The following GLIS3 variants were observed in gnomAD, a reference collection of about 807,000 sequenced individuals.
The protein encoded by GLIS3 is zinc finger protein GLIS3.
Under a neutral mutation model 78.6 loss-of-function variants are expected in GLIS3, and 53 were observed. The observed-to-expected ratio is 0.67, with a 90% CI of 0.54 to 0.85. GLIS3 has a LOEUF of 0.85. GLIS3 is among the 40% of genes least tolerant of loss of function. The pLI is 0.00. For synonymous variants in GLIS3, 684 were observed against 509.9 expected (o/e 1.34, Z -4.60); for missense variants, 1,703 against 1,231.1 (o/e 1.38, Z -5.74).
At chr9:4,285,997 A>G in intron 2 of GLIS3, 41 bp downstream of exon 2, 1 of 1,613,218 alleles carries the variant, frequency 6.2e-7, no homozygotes, top group African/African-American at 1.3e-5. Context: ...GGAGAAAAAA[A>G]TCGTTTCCAT....
At chr9:4,257,458 G>A (rs1221192100) in intron 2 of GLIS3, among the ~76,000 whole-genome samples, 1 of 152,118 alleles carries the variant, frequency 6.6e-6, no homozygotes, top group Non-Finnish European at 1.5e-5. Context: ...AATTTGGCAA[G>A]GGAATAGATT....
At chr9:4,067,738 A>G (rs1391529300) in intron 4 of GLIS3, among the ~76,000 whole-genome samples, 1 of 152,174 alleles carries the variant, frequency 6.6e-6, no homozygotes, top group African/African-American at 2.4e-5. Flanking sequence ...ATTGCAGATT[A>G]GATTATAGGA....
chr9:4,158,187 T>A (rs1482145865), intron 2 of GLIS3, among the ~76,000 whole-genome samples: 2 of 152,248 alleles, frequency 1.3e-5, no homozygotes, highest in Non-Finnish European at 2.9e-5. Context: ...CGAGAATTCC[T>A]TCTTATGTTT....
intron 2 of GLIS3, among the ~76,000 whole-genome samples, chr9:4,275,265 A>T (rs538194986): frequency 6.6e-6 from 1 of 152,276 alleles, no homozygotes; most frequent in South Asian, 2.1e-4. Flanking sequence ...AAAATTTTCG[A>T]AAAAAGGAGT....
chr9:4,126,182 T>C (rs559966230), intron 2 of GLIS3, among the ~76,000 whole-genome samples: 10 of 152,162 alleles, frequency 6.6e-5, no homozygotes, highest in Non-Finnish European at 1.2e-4. Context: ...ACTCCTTCTA[T>C]GTAGAAGTGT....
chr9:3,861,573 G>A (rs997145092), intron 8 of GLIS3, among the ~76,000 whole-genome samples: 1 of 151,882 alleles, frequency 6.6e-6, no homozygotes, highest in African/African-American at 2.4e-5. Flanking sequence ...AAGAAAATGT[G>A]GTACATATAC....
At chr9:4,424,191 G>A in the GLIS3 span, among the ~76,000 whole-genome samples, 1 of 152,154 alleles carries the variant, frequency 6.6e-6, no homozygotes, top group Non-Finnish European at 1.5e-5. Context: ...GAGGTAGCAG[G>A]AAGAACTTTG....
chr9:4,404,131 G>C, the GLIS3 span, among the ~76,000 whole-genome samples: 2 of 152,068 alleles, frequency 1.3e-5, no homozygotes, highest in African/African-American at 4.8e-5. Flanking sequence ...GACAAATAAG[G>C]TTATTAAATA....
intron 4 of GLIS3, among the ~76,000 whole-genome samples, chr9:4,034,191 C>T (rs529080297): frequency 1.7e-4 from 26 of 152,006 alleles, no homozygotes; most frequent in Non-Finnish European, 3.4e-4. Context: ...ACTTGTGCTC[C>T]AACCTGGGCA....
At chr9:3,967,452 A>G (rs1183799974) in intron 4 of GLIS3, among the ~76,000 whole-genome samples, 2 of 152,094 alleles carry the variant, frequency 1.3e-5, no homozygotes, top group African/African-American at 4.8e-5. Flanking sequence ...GTAGTGAGCC[A>G]AGATCGGGCC....
chr9:4,465,270 G>C, the GLIS3 span, among the ~76,000 whole-genome samples: 1 of 152,174 alleles, frequency 6.6e-6, no homozygotes, highest in Non-Finnish European at 1.5e-5. Context: ...ATAATAGGCC[G>C]GGCACGGTGG....
At chr9:4,232,767 T>C (rs1414643142) in intron 2 of GLIS3, among the ~76,000 whole-genome samples, 1 of 152,200 alleles carries the variant, frequency 6.6e-6, no homozygotes, top group Non-Finnish European at 1.5e-5. Flanking sequence ...ACTATCTGTG[T>C]CATTCCTATT....
At chr9:4,239,901 T>G (rs1027484517) in intron 2 of GLIS3, among the ~76,000 whole-genome samples, 1 of 152,346 alleles carries the variant, frequency 6.6e-6, no homozygotes, top group East Asian at 1.9e-4. Flanking sequence ...TCATTAGACC[T>G]TTACAGGAAT....
At chr9:4,324,640 A>G (rs1333094110) in intron 2 of GLIS3, among the ~76,000 whole-genome samples, 1 of 152,232 alleles carries the variant, frequency 6.6e-6, no homozygotes. Flanking sequence ...AAAGAGACTG[A>G]GGTCAATCTG....
chr9:4,399,423 G>C, the GLIS3 span, among the ~76,000 whole-genome samples: 85 of 152,294 alleles, frequency 5.6e-4, 1 homozygote, highest in African/African-American at 1.9e-3. Context: ...AAAGTAGATA[G>C]TTTCATCCCC....
At chr9:3,829,541 C>T (rs778256054) in intron 9 of GLIS3, 49 bp from the exon 10 acceptor site, 12 of 1,601,126 alleles carry the variant, frequency 7.5e-6, no homozygotes, top group Admixed American at 3.3e-5. Flanking sequence ...GGCACAAGTT[C>T]CACAGATCAT....
At chr9:4,136,776 G>A (rs1480695103) in intron 2 of GLIS3, among the ~76,000 whole-genome samples, 1 of 152,174 alleles carries the variant, frequency 6.6e-6, no homozygotes, top group Non-Finnish European at 1.5e-5. Context: ...AGAAGACAGA[G>A]CTTAGAGGGT....
At position 3,825,727 on chromosome 9, in the gene GLIS3, G is replaced by A. The variant is rs1817690395; in HGVS notation, c.*2545C>T. On this transcript the variant is annotated 3_prime_UTR_variant, in exon 11 of 11. Transcript: ENST00000381971. ...AAAGACTCTCGAATCTAAGCATAGT[G>A]TGTGTAGTCTGGAAGGCATCTGAAC... 6.6e-6 allele frequency: 1 copy of A among 152,226 alleles called. No homozygotes were observed. Among genetic ancestry groups the A allele is most frequent in the Non-Finnish European group, 1.5e-5 (1 of 68,050 alleles). 9.4% of individuals were successfully genotyped at this position (152,226 alleles called of 1,614,324 possible).
chr9:4,156,211 C>A (rs1311716085), intron 2 of GLIS3, among the ~76,000 whole-genome samples: 1 of 152,178 alleles, frequency 6.6e-6, no homozygotes, highest in African/African-American at 2.4e-5. Flanking sequence ...AAAACAAACT[C>A]TCCTCACATT....
Sources: gnomAD v4.1 joint callset for allele counts (sites outside exome capture counted in the v4.1 genomes callset) on GRCh38, gnomAD v4.1.1 for gene constraint, MANE v1.5 for transcripts, NCBI Gene and HGNC (gene_info 2026-07-23, HGNC 2026-07-21) for gene names.